OPRPN: variants seen among roughly 807,000 people sequenced by gnomAD.
The protein encoded by OPRPN is opiorphin prepropeptide.
In OPRPN, 1 loss-of-function variant was observed where a neutral mutation model predicts 2.2. The ratio of observed to expected loss-of-function variants is 0.45; its 90% CI spans 0.16 to 2.15. The LOEUF is 2.15. Ranked by LOEUF, OPRPN falls within the 30% of genes most tolerant of loss-of-function variation. The pLI is 0.28. For missense variants in OPRPN, 306 were observed against 297.3 expected (o/e 1.03, Z -0.21); for synonymous variants, 126 against 111.5 (o/e 1.13, Z -0.82).
At chr4:70,398,612 C>T (rs1280313007) in intron 1 of OPRPN, among the ~76,000 whole-genome samples, 2 of 151,718 alleles carry the variant, frequency 1.3e-5, no homozygotes, top group African/African-American at 4.8e-5. Flanking sequence ...GTGCCATGTG[C>T]TTCTTATATA....
chr4:70,404,732 G>T (rs551100063), intron 2 of OPRPN, among the ~76,000 whole-genome samples: 36 of 152,206 alleles, frequency 2.4e-4, no homozygotes, highest in African/African-American at 8.4e-4. Flanking sequence ...TTAGAAGGCG[G>T]GGATACAAAG....
chr4:70,403,355 C>T (rs1380648331), intron 2 of OPRPN, among the ~76,000 whole-genome samples: 3 of 152,126 alleles, frequency 2.0e-5, no homozygotes. Flanking sequence ...AACGAATGGG[C>T]ATGGTTATGT....
chr4:70,398,726 C>G (rs1395794553), intron 1 of OPRPN, among the ~76,000 whole-genome samples: 1 of 151,864 alleles, frequency 6.6e-6, no homozygotes, highest in Non-Finnish European at 1.5e-5. Context: ...AAAATCATAT[C>G]AAAGTAATAA....
chr4:70,404,430 A>T (rs1577883313), intron 2 of OPRPN, among the ~76,000 whole-genome samples: 1 of 152,040 alleles, frequency 6.6e-6, no homozygotes, highest in Non-Finnish European at 1.5e-5. Flanking sequence ...GCCAAAAAAA[A>T]CTTGAAATCA....
At chr4:70,404,778 C>G (rs1733051039) in intron 2 of OPRPN, among the ~76,000 whole-genome samples, 1 of 152,178 alleles carries the variant, frequency 6.6e-6, no homozygotes. Flanking sequence ...GCTTTGTCCT[C>G]CCCGCACCTT....
At chr4:70,409,328 A>T in intron 2 of OPRPN, 52 bp from the exon 3 acceptor site, 1 of 1,427,578 alleles carries the variant, frequency 7.0e-7, no homozygotes. Context: ...TTTGAACTTT[A>T]AATGATCAAA....
At chr4:70,404,306 G>A (rs1281988902) in intron 2 of OPRPN, among the ~76,000 whole-genome samples, 2 of 152,008 alleles carry the variant, frequency 1.3e-5, no homozygotes, top group South Asian at 2.1e-4. Context: ...ACGACTCCTT[G>A]TTGGTCTCCT....
chr4:70,401,874 T>G (rs1357279747), intron 2 of OPRPN, among the ~76,000 whole-genome samples: 5 of 152,130 alleles, frequency 3.3e-5, no homozygotes, highest in African/African-American at 1.2e-4. Context: ...GAGAAGACTT[T>G]GTTTGCAGCA....
intron 2 of OPRPN, among the ~76,000 whole-genome samples, chr4:70,405,020 T>A (rs909550465): frequency 1.3e-5 from 2 of 152,212 alleles, no homozygotes. Context: ...GTTTAATATA[T>A]GCCAAGAAGT....
Position 70,409,728 on chromosome 4 carries a change from T to G in OPRPN, c.400T>G (p.Tyr134Asp). The G allele has an allele frequency of 7.4e-6, 12 of 1,613,262 alleles. No individual in the cohort carries two copies. Among genetic ancestry groups the G allele is most frequent in the Non-Finnish European group, 9.3e-6 (11 of 1,179,456 alleles). Reference protein sequence around the residue: ...FPPIPFFLAIYLPISNPEPQI... With the variant: ...FPPIPFFLAIDLPISNPEPQI... ...TCCTATTCCTTTTTTTCTTGCTATT[T>G]ACCTTCCTATCTCTAACCCTGAGCC... Residue 134 changes from tyrosine (Y) to aspartate (D), a missense_variant, in exon 3 of 3, where the codon TAC (tyrosine) becomes GAC (aspartate). Coordinates refer to ENST00000399575, the MANE Select transcript of OPRPN (RefSeq NM_021225.5).
Position 70,409,855 on chromosome 4 carries a change from GCTC to G in OPRPN, c.531_533del (p.Ser178del), listed in dbSNP as rs1479060009. 5.6e-6 allele frequency: 9 copies of G among 1,612,630 alleles called. No individual in the cohort carries two copies. The highest frequency in any genetic ancestry group is 4.0e-5 in the African/African-American group (3 of 74,638). On this transcript the variant is annotated inframe_deletion, in exon 3 of 3. Coordinates refer to ENST00000399575, the MANE Select transcript of OPRPN (RefSeq NM_021225.5). Reference sequence around the variant, plus strand: ...TCCACAAAACCCACAATGACGATCAGCTCCTCAACAGTACCTATCTCTTCAACA... The same window carrying G: ...TCCACAAAACCCACAATGACGATCAGCTCAACAGTACCTATCTCTTCAACA...
In OPRPN at chr4:70,409,658, A is replaced by T; in HGVS notation, c.330A>T (p.Arg110Ser). The T allele has an allele frequency of 3.7e-6, 6 of 1,613,814 alleles. No homozygotes were observed. Among genetic ancestry groups the T allele is most frequent in the Non-Finnish European group, 5.1e-6 (6 of 1,179,920 alleles). ...ATCCAAACCTACATTTCCCACTAAGACCTTACTATGTAGGACCTATTAGGA... is the reference window on the plus strand; with the variant it reads ...ATCCAAACCTACATTTCCCACTAAGTCCTTACTATGTAGGACCTATTAGGA... ...PGYPNLHFPL[R>S]PYYVGPIRIL... The change falls in exon 3 of 3, where the codon AGA becomes AGT. Residue 110 changes from arginine (R) to serine (S), a missense_variant. Coordinates refer to ENST00000399575, the MANE Select transcript of OPRPN (RefSeq NM_021225.5).
intron 2 of OPRPN, among the ~76,000 whole-genome samples, chr4:70,408,588 C>T (rs1441738279): frequency 6.6e-6 from 1 of 152,196 alleles, no homozygotes; most frequent in African/African-American, 2.4e-5. Flanking sequence ...CCTTACTCTA[C>T]CTTACTATGT....
rs897286760 is a variant in OPRPN, at chr4:70,410,193, T to C, written c.*118T>C. The C allele has an allele frequency of 2.9e-6, 2 of 679,162 alleles. No homozygotes were observed. Among genetic ancestry groups the C allele is most frequent in the East Asian group, 2.9e-5 (1 of 34,540 alleles). 42.1% of individuals were successfully genotyped at this position (679,162 alleles called of 1,614,324 possible). The stretch of plus-strand genomic sequence containing the variant: ...CACACTAAATAAAGTATTTGAGCAA[T>C]AATATGCACCTATTGCTATCATTAT... On this transcript the variant is annotated 3_prime_UTR_variant, in exon 3 of 3. Coordinates refer to ENST00000399575, the MANE Select transcript of OPRPN (RefSeq NM_021225.5).
intron 2 of OPRPN, among the ~76,000 whole-genome samples, chr4:70,402,367 T>G (rs1489415835): frequency 2.0e-5 from 3 of 151,982 alleles, no homozygotes; most frequent in Non-Finnish European, 4.4e-5. Flanking sequence ...TTCTTACGGG[T>G]TTGTATAAAT....
chr4:70,409,496 A>T lies in OPRPN; in HGVS notation c.168A>T (p.Arg56Ser). The change falls in exon 3 of 3, where the codon AGA becomes AGT. Residue 56 changes from arginine (R) to serine (S), a missense_variant. Arg to Ser is a moderately radical substitution (Grantham distance 110, BLOSUM62 -1). Transcript: ENST00000399575. ...GTCCCCCACCTCCCTATGACTCAAG[A>T]CTTAATTCACCACTTTCTCTTCCCT... Reference protein sequence around the residue: ...PPSPPPPYDSRLNSPLSLPFV... With the variant: ...PPSPPPPYDSSLNSPLSLPFV... 6.2e-7 allele frequency: 1 copy of T among 1,613,946 alleles called. No homozygotes were observed. Among genetic ancestry groups the T allele is most frequent in the East Asian group, 2.2e-5 (1 of 44,866 alleles).
chr4:70,400,586 G>A (rs1005207688), intron 2 of OPRPN, among the ~76,000 whole-genome samples: 1 of 151,744 alleles, frequency 6.6e-6, no homozygotes, highest in Non-Finnish European at 1.5e-5. Flanking sequence ...CTGGAAACCT[G>A]CATTCTAGGA....
chr4:70,409,019 C>T (rs1490844170), intron 2 of OPRPN, among the ~76,000 whole-genome samples: 1 of 152,156 alleles, frequency 6.6e-6, no homozygotes, highest in Non-Finnish European at 1.5e-5. Flanking sequence ...AGATAGTCAA[C>T]CTGGGTATTT....
In OPRPN at chr4:70,409,711, CT is replaced by C. The variant is rs1560534905; in HGVS notation, c.390del (p.Ala132LeufsTer13). The C allele has an allele frequency of 4.3e-6, 7 of 1,613,436 alleles. No individual in the cohort carries two copies. Among genetic ancestry groups the C allele is most frequent in the Admixed American group, 1.7e-5 (1 of 59,980 alleles). ...RILKPPFPPI[P>X]FFLAIYLPIS... is the part of the protein sequence containing the mutation. ...TTAAAACCCCCATTTCCTCCTATTC[CT>C]TTTTTTCTTGCTATTTACCTTCCTA... On this transcript the variant is annotated frameshift_variant, in exon 3 of 3. Transcript: ENST00000399575. LOFTEE classifies it low-confidence loss of function (END_TRUNC).
Sources: allele counts gnomAD v4.1 joint callset (sites outside exome capture counted in the v4.1 genomes callset), GRCh38; gene constraint gnomAD v4.1.1; transcripts MANE v1.5; gene names NCBI Gene and HGNC (gene_info 2026-07-23, HGNC 2026-07-21).